NEO1: variants seen among roughly 807,000 people sequenced by gnomAD.
The protein encoded by NEO1 is neogenin 1, also known as neogenin.
In NEO1, 63 loss-of-function variants were observed where a neutral mutation model predicts 159.7. The ratio of observed to expected loss-of-function variants is 0.39; its 90% CI spans 0.32 to 0.49. The LOEUF is 0.49. Among genes scored for constraint, NEO1 ranks in the 20% least tolerant of loss-of-function variants. The probability of loss-of-function intolerance (pLI) is 0.85; values close to 1 mark genes in which losing one functional copy is unlikely to be tolerated. For synonymous variants in NEO1, 633 were observed against 662.0 expected (o/e 0.96, Z 0.67); for missense variants, 1,615 against 1,831.0 (o/e 0.88, Z 2.15).
intron 15 of NEO1, 74 bp downstream of exon 15, chr15:73,260,539 A>G: frequency 7.6e-7 from 1 of 1,318,680 alleles, no homozygotes; most frequent in Non-Finnish European, 1.0e-6. Context: ...TAATATTTTT[A>G]TTTTTACAAG....
intron 3 of NEO1, 53 bp from the exon 4 acceptor site, chr15:73,126,364 C>A: frequency 1.3e-6 from 2 of 1,500,234 alleles, no homozygotes; most frequent in Admixed American, 3.9e-5. Flanking sequence ...GCCACCATGT[C>A]CAGCCTGTTT....
rs549835395 is a variant in NEO1 at position 73,200,109 on chromosome 15, G to C, written c.1291+21682G>C. ...TTTCTCGAAAAGATTGTAGAGCTTG[G>C]TATTATTTATCCTTTTACGGTTTGG... is the stretch of plus-strand genomic sequence containing the variant. On this transcript the variant is annotated intron_variant, in intron 7 of 28. Transcript: ENST00000261908. Among the ~76,000 whole-genome samples, 126 of 152,266 alleles carry C rather than the reference G, an allele frequency of 8.3e-4. 2 individuals are homozygous for C. Among genetic ancestry groups the C allele is most frequent in the South Asian group, 4.6e-3 (22 of 4,830 alleles).
chr15:73,257,335 T>G (rs1467718963), intron 13 of NEO1, among the ~76,000 whole-genome samples: 3 of 151,896 alleles, frequency 2.0e-5, no homozygotes, highest in Non-Finnish European at 2.9e-5. Context: ...AAACATTTGA[T>G]GTGTAAGCAA....
intron 5 of NEO1, among the ~76,000 whole-genome samples, chr15:73,148,342 C>G (rs753191213): frequency 3.9e-5 from 6 of 152,070 alleles, no homozygotes; most frequent in Non-Finnish European, 8.8e-5. Context: ...TTAGGTTCCC[C>G]TTTCTTCATT....
At chr15:73,251,050 T>G (rs1315017619) in intron 11 of NEO1, among the ~76,000 whole-genome samples, 1 of 152,198 alleles carries the variant, frequency 6.6e-6, no homozygotes, top group Non-Finnish European at 1.5e-5. Flanking sequence ...ATCTCTCAGA[T>G]GATTCAGAAA....
At chr15:73,081,505 T>G (rs2069043637) in intron 1 of NEO1, among the ~76,000 whole-genome samples, 1 of 152,164 alleles carries the variant, frequency 6.6e-6, no homozygotes, top group South Asian at 2.1e-4. Flanking sequence ...CTTATCAGGG[T>G]TGATAAAAAC....
In NEO1 at chr15:73,213,379, G is replaced by A. The variant is rs75107604; in HGVS notation, c.1292-22968G>A. ...TTTTGGTTCACCCATCACCTGAACA[G>A]TATACAATGCACCATATTTGTAGTC... On this transcript the variant is annotated intron_variant, in intron 7 of 28. Coordinates refer to ENST00000261908, the MANE Select transcript of NEO1 (RefSeq NM_002499.4). Among the ~76,000 whole-genome samples the A allele has an allele frequency of 1.9e-3, 287 of 152,252 alleles. 4 individuals carry two copies. In the East Asian group the frequency reaches 0.054, roughly 29 times the overall value.
intron 1 of NEO1, among the ~76,000 whole-genome samples, chr15:73,106,372 A>G (rs892042137): frequency 1.3e-5 from 2 of 152,322 alleles, no homozygotes; most frequent in East Asian, 3.9e-4. Context: ...ACATTAGAAA[A>G]GTAAAAAACA....
Position 73,303,905 on chromosome 15 carries a change from CTTGT to C in NEO1, c.*1216_*1219del, listed in dbSNP as rs1324955012. On this transcript the variant is annotated 3_prime_UTR_variant, in exon 29 of 29. Coordinates refer to ENST00000261908, the MANE Select transcript of NEO1 (RefSeq NM_002499.4). Reference sequence around the variant, plus strand: ...AGGAAGTTGGAGGTTAAGGAAGGAACTTGTTTGTTTCCGTATACGACTCCTTCTT... The same window carrying C: ...AGGAAGTTGGAGGTTAAGGAAGGAACTTGTTTCCGTATACGACTCCTTCTT... The C allele has an allele frequency of 6.6e-6, 1 of 152,174 alleles. No homozygotes were observed. Among genetic ancestry groups the C allele is most frequent in the Non-Finnish European group, 1.5e-5 (1 of 68,050 alleles). 9.4% of individuals were successfully genotyped at this position (152,174 alleles called of 1,614,324 possible).
Position 73,295,114 on chromosome 15 carries a change from A to G in NEO1, c.3901+1566A>G, listed in dbSNP as rs116271912. 2.7e-3 allele frequency among the ~76,000 whole-genome samples: 392 copies of G among 142,742 alleles called. 1 individual carries two copies. The highest frequency in any genetic ancestry group is 9.6e-3 in the African/African-American group (373 of 38,980). 93.6% of individuals were successfully genotyped at this position (142,742 alleles called of 152,430 possible). ...GGCAACAAGGCAAGATCCCGTCTCT[A>G]CTAAATATTAAATATATATATATAT... On this transcript the variant is annotated intron_variant, in intron 26 of 28. Transcript: ENST00000261908.
intron 23 of NEO1, among the ~76,000 whole-genome samples, chr15:73,285,654 C>G (rs1329810423): frequency 6.6e-6 from 1 of 152,188 alleles, no homozygotes; most frequent in Admixed American, 6.5e-5. Context: ...TAGCTGTTTA[C>G]AGAGTCTTAC....
intron 7 of NEO1, 108 bp downstream of exon 7, chr15:73,178,535 GTGGCA>G: frequency 8.4e-7 from 1 of 1,183,734 alleles, no homozygotes; most frequent in Non-Finnish European, 1.2e-6. Flanking sequence ...AGGCCAATAT[GTGGCA>G]TAGCTAAGAG....
intron 1 of NEO1, among the ~76,000 whole-genome samples, chr15:73,071,553 A>G (rs1430160721): frequency 6.6e-6 from 1 of 151,518 alleles, no homozygotes; most frequent in South Asian, 2.1e-4. Context: ...TTTGAGACAG[A>G]GTCTCACTCC....
chr15:73,178,665 TTAA>T (rs2035419968), intron 7 of NEO1, among the ~76,000 whole-genome samples: 3 of 152,226 alleles, frequency 2.0e-5, no homozygotes, highest in South Asian at 4.1e-4. Context: ...TATTATAGTC[TTAA>T]TAAATTAATT....
At chr15:73,231,097 A>G (rs753468654) in intron 7 of NEO1, among the ~76,000 whole-genome samples, 7 of 152,188 alleles carry the variant, frequency 4.6e-5, no homozygotes, top group Non-Finnish European at 8.8e-5. Flanking sequence ...AACATAATTC[A>G]ATAATAATTG....
At chr15:73,148,783 C>G (rs2033131690) in intron 5 of NEO1, among the ~76,000 whole-genome samples, 1 of 151,500 alleles carries the variant, frequency 6.6e-6, no homozygotes, top group Non-Finnish European at 1.5e-5. Context: ...TAATGATAAC[C>G]AAGATTTCTT....
rs1555445543 is a variant in NEO1, at chr15:73,179,863, G to GTGTGTATA, written c.1291+1437_1291+1438insGTGTATAT. Among the ~76,000 whole-genome samples the GTGTGTATA allele has an allele frequency of 7.2e-4, 106 of 147,928 alleles. 1 individual carries two copies. The highest frequency in any genetic ancestry group is 2.5e-3 in the African/African-American group (102 of 40,572). ...AATATTGTTTCTTATTAAATAATAT[G>GTGTGTATA]TATATATATATATATACACTGTTTT... On this transcript the variant is annotated intron_variant, in intron 7 of 28. Transcript: ENST00000261908.
chr15:73,182,999 A>G (rs554813513), intron 7 of NEO1, among the ~76,000 whole-genome samples: 22 of 152,302 alleles, frequency 1.4e-4, no homozygotes, highest in African/African-American at 4.8e-4. Context: ...AGTTTTAACT[A>G]AAAGGCCTTT....
In NEO1 at chr15:73,293,265, A is replaced by G. The variant is rs1474389286; in HGVS notation, c.3743-125A>G. 19 of 1,210,366 alleles carry G rather than the reference A, an allele frequency of 1.6e-5. No individual in the cohort carries two copies. The East Asian group carries it at 4.0e-4, about 26-fold the overall frequency. The allele number at this position is 1,210,366 out of a possible 1,614,324, so 75.0% of individuals were successfully genotyped here. ...TGACCAGATCTAGCCAGCTGCCACCAAAAAACCAAGGGAGTGTTTGGATTG... is the reference window on the plus strand; with the variant it reads ...TGACCAGATCTAGCCAGCTGCCACCGAAAAACCAAGGGAGTGTTTGGATTG... On this transcript the variant is annotated intron_variant, in intron 25 of 28. Transcript: ENST00000261908.
Sources: allele counts gnomAD v4.1 joint callset (sites outside exome capture counted in the v4.1 genomes callset), GRCh38; gene constraint gnomAD v4.1.1; transcripts MANE v1.5; gene names NCBI Gene and HGNC (gene_info 2026-07-23, HGNC 2026-07-21).